The following OPCML variants were observed in gnomAD, a reference collection of about 807,000 sequenced individuals.
The protein encoded by OPCML is opioid-binding protein/cell adhesion molecule.
A neutral mutation model predicts 37.8 loss-of-function variants in OPCML; 13 were observed. That is an observed-to-expected ratio of 0.34 (90% CI 0.22 to 0.55). OPCML has a LOEUF of 0.55. Among genes scored for constraint, OPCML ranks in the 20% least tolerant of loss-of-function variants. The pLI, the probability that OPCML is intolerant of heterozygous loss-of-function variation, is 0.91. For synonymous variants in OPCML, 176 were observed against 168.8 expected (o/e 1.04, Z -0.33); for missense variants, 341 against 435.6 (o/e 0.78, Z 1.93).
intron 2 of OPCML, among the ~76,000 whole-genome samples, chr11:132,776,003 C>A (rs1946797691): frequency 1.3e-5 from 2 of 152,204 alleles, no homozygotes; most frequent in Non-Finnish European, 1.5e-5. Context: ...GCGATCTCAT[C>A]ACTGCAAGCT....
intron 3 of OPCML, among the ~76,000 whole-genome samples, chr11:132,655,862 CTTT>C (rs1181492812): frequency 4.5e-5 from 6 of 134,404 alleles, no homozygotes; most frequent in Non-Finnish European, 4.8e-5. Context: ...CATCGTGGTC[CTTT>C]TTTTTTTTTT....
At chr11:133,110,013 A>T (rs1949225531) in intron 1 of OPCML, among the ~76,000 whole-genome samples, 1 of 152,194 alleles carries the variant, frequency 6.6e-6, no homozygotes, top group Non-Finnish European at 1.5e-5. Context: ...TTTTTGTTCG[A>T]CAGGACTTGG....
At chr11:132,804,889 AAAGAG>A (rs1938906124) in intron 2 of OPCML, among the ~76,000 whole-genome samples, 1 of 152,320 alleles carries the variant, frequency 6.6e-6, no homozygotes, top group African/African-American at 2.4e-5. Flanking sequence ...TCCTAAAAAG[AAAGAG>A]AAAACTGTGA....
chr11:132,518,663 G>A (rs2096285520), intron 4 of OPCML, among the ~76,000 whole-genome samples: 1 of 152,018 alleles, frequency 6.6e-6, no homozygotes, highest in Non-Finnish European at 1.5e-5. Flanking sequence ...ACTATCTCAG[G>A]GAAAAGTTAC....
rs1414968035 is a variant in OPCML, at chr11:133,211,856, T to C, written c.62-268846A>G. On this transcript the variant is annotated intron_variant, in intron 1 of 7. Transcript: ENST00000524381. The surrounding 1 kb of genome is among the most constrained non-coding windows in gnomAD (Gnocchi z 4.1). The stretch of plus-strand genomic sequence containing the variant: ...AAGAGTATAAGCATTTGACTCAAAC[T>C]CTTCAAGATAGGGAGTTAAAGAATG... Among the ~76,000 whole-genome samples, 1 of 152,194 alleles carries C rather than the reference T, an allele frequency of 6.6e-6. No homozygotes were observed. The highest frequency in any genetic ancestry group is 1.5e-5 in the Non-Finnish European group (1 of 68,038).
intron 3 of OPCML, among the ~76,000 whole-genome samples, chr11:132,613,212 C>A (rs1938767204): frequency 6.6e-6 from 1 of 152,184 alleles, no homozygotes; most frequent in Non-Finnish European, 1.5e-5. Flanking sequence ...TGGAGAAAAG[C>A]ACAGAGCATT....
chr11:132,944,080 GGATGCCT>G, intron 1 of OPCML, among the ~76,000 whole-genome samples: 1 of 152,084 alleles, frequency 6.6e-6, no homozygotes, highest in Non-Finnish European at 1.5e-5. Flanking sequence ...ACCGGGCTGG[GGATGCCT>G]GCGGGGATGA....
chr11:132,753,519 G>GATCTAA (rs1945913065), intron 2 of OPCML, among the ~76,000 whole-genome samples: 1 of 152,062 alleles, frequency 6.6e-6, no homozygotes, highest in Non-Finnish European at 1.5e-5. Flanking sequence ...TACATATCTG[G>GATCTAA]ATCTAAATCT....
chr11:133,046,944 T>A (rs1234481686), intron 1 of OPCML, among the ~76,000 whole-genome samples: 1 of 110,922 alleles, frequency 9.0e-6, no homozygotes, highest in African/African-American at 4.9e-5. Context: ...TTTTTAACTT[T>A]ACAATTTTTT....
intron 1 of OPCML, among the ~76,000 whole-genome samples, chr11:133,271,150 T>C (rs1025638179): frequency 6.6e-6 from 1 of 152,192 alleles, no homozygotes; most frequent in African/African-American, 2.4e-5. Flanking sequence ...TTTGTGCGTC[T>C]AAATTCCCTA....
At chr11:132,435,938 T>C (rs770266192) in intron 7 of OPCML, 148 bp downstream of exon 7, 8 of 692,258 alleles carry the variant, frequency 1.2e-5, no homozygotes, top group South Asian at 2.2e-5. Flanking sequence ...GCTAGGGGAA[T>C]GGCAGGGAGA....
chr11:133,130,861 G>T (rs964914860), intron 1 of OPCML, among the ~76,000 whole-genome samples: 15 of 152,152 alleles, frequency 9.9e-5, no homozygotes, highest in African/African-American at 3.4e-4. Context: ...TCAACAAATA[G>T]TGCTGGAATA....
intron 1 of OPCML, among the ~76,000 whole-genome samples, chr11:133,306,167 C>A (rs551534570): frequency 6.6e-6 from 1 of 152,120 alleles, no homozygotes; most frequent in African/African-American, 2.4e-5. Context: ...AGAAGAACTG[C>A]CCTTGGTCCT....
At chr11:132,596,315 C>T (rs528496218) in intron 3 of OPCML, among the ~76,000 whole-genome samples, 67 of 152,202 alleles carry the variant, frequency 4.4e-4, no homozygotes, top group African/African-American at 1.6e-3. Flanking sequence ...ATATGTCTGC[C>T]CTATCTATAT....
chr11:132,541,451 G>T (rs1262217734), intron 3 of OPCML, among the ~76,000 whole-genome samples: 1 of 151,948 alleles, frequency 6.6e-6, no homozygotes, highest in Non-Finnish European at 1.5e-5. Flanking sequence ...ATATAAAAGG[G>T]TTTTTGTCAC....
At chr11:133,354,800 G>C (rs1944246267) in intron 1 of OPCML, among the ~76,000 whole-genome samples, 1 of 152,156 alleles carries the variant, frequency 6.6e-6, no homozygotes, top group Non-Finnish European at 1.5e-5. Flanking sequence ...AGAAGGAAAG[G>C]TATTCAGTTC....
At chr11:132,754,297 G>C (rs915302964) in intron 2 of OPCML, among the ~76,000 whole-genome samples, 1 of 152,194 alleles carries the variant, frequency 6.6e-6, no homozygotes, top group African/African-American at 2.4e-5. Flanking sequence ...CCCGATGGGA[G>C]TTTATTGAAT....
chr11:133,337,632 A>G (rs560849431), intron 1 of OPCML, among the ~76,000 whole-genome samples: 2 of 152,224 alleles, frequency 1.3e-5, no homozygotes, highest in South Asian at 4.1e-4. Flanking sequence ...CCTCATATCT[A>G]TCAATTCTCA....
chr11:132,574,130 GT>G (rs536980096), intron 3 of OPCML, among the ~76,000 whole-genome samples: 113 of 149,028 alleles, frequency 7.6e-4, no homozygotes, highest in African/African-American at 2.8e-3. Context: ...CCCTTAAGTA[GT>G]TTAGTTAAGA....
Sources: allele counts gnomAD v4.1 joint callset (sites outside exome capture counted in the v4.1 genomes callset), GRCh38; gene constraint gnomAD v4.1.1; non-coding constraint Gnocchi (gnomAD v3.1); transcripts MANE v1.5; gene names NCBI Gene and HGNC (gene_info 2026-07-23, HGNC 2026-07-21).